LMBR1: variants seen among roughly 807,000 people sequenced by gnomAD.
LMBR1 encodes the protein limb development membrane protein 1.
Under a neutral mutation model 73.9 loss-of-function variants are expected in LMBR1, and 52 were observed. The observed-to-expected ratio is 0.70, with a 90% CI of 0.56 to 0.89. The LOEUF is 0.89. Ranked by LOEUF, LMBR1 falls within the 40% of genes least tolerant of loss-of-function variation. The pLI, the probability that LMBR1 is intolerant of heterozygous loss-of-function variation, is 0.00. For missense variants in LMBR1, 539 were observed against 579.8 expected, an observed-to-expected ratio of 0.93 and a Z score of 0.72; for synonymous variants, 215 against 209.4, an observed-to-expected ratio of 1.03 and a Z score of -0.23.
intron 15 of LMBR1, among the ~76,000 whole-genome samples, chr7:156,692,572 C>T (rs1272082320): frequency 6.6e-5 from 10 of 152,228 alleles, no homozygotes; most frequent in Admixed American, 4.6e-4. Context: ...CATCAGGAAA[C>T]GAAGGACAGT....
intron 1 of LMBR1, among the ~76,000 whole-genome samples, chr7:156,870,720 G>A (rs376890643): frequency 5.6e-4 from 85 of 151,102 alleles, no homozygotes; most frequent in Admixed American, 4.9e-3. Flanking sequence ...AGCCGAGATC[G>A]CGGCACAACC....
Position 156,744,343 on chromosome 7 carries a change from CT to C in LMBR1, c.758-10087del, listed in dbSNP as rs527479194. On this transcript the variant is annotated intron_variant, in intron 9 of 16. Transcript: ENST00000353442. Reference sequence around the variant, plus strand: ...TTTTCTATGTGAAAGTTTGTAAGGGCTTTTTTTTTTTTCCATTGTTCTTGGA... The same window carrying C: ...TTTTCTATGTGAAAGTTTGTAAGGGCTTTTTTTTTTTCCATTGTTCTTGGA... Among the ~76,000 whole-genome samples, 459 of 143,768 alleles carry C rather than the reference CT, an allele frequency of 3.2e-3. 3 individuals are homozygous for C. The highest frequency in any genetic ancestry group is 0.011 in the Middle Eastern group (3 of 284). 94.3% of individuals were successfully genotyped at this position (143,768 alleles called of 152,430 possible). A position where few individuals can be genotyped will look rare whatever the true frequency, so the allele number is the denominator to read the frequency against.
At chr7:156,798,094 G>A (rs1278261089) in intron 4 of LMBR1, among the ~76,000 whole-genome samples, 3 of 152,136 alleles carry the variant, frequency 2.0e-5, no homozygotes, top group African/African-American at 7.2e-5. Flanking sequence ...GCACACAATT[G>A]AGTTCTAGGC....
Position 156,694,164 on chromosome 7 carries a change from CA to C in LMBR1, c.1226-5974del, listed in dbSNP as rs539429116. On this transcript the variant is annotated intron_variant, in intron 15 of 16. Transcript: ENST00000353442. ...GGAATTTATCTCACCATAATAGAGACATTTTTTTTTTTAAGAGACAGAATCT... is the reference window on the plus strand; with the variant it reads ...GGAATTTATCTCACCATAATAGAGACTTTTTTTTTTTAAGAGACAGAATCT... 2.6e-5 allele frequency among the ~76,000 whole-genome samples: 4 copies of C among 151,996 alleles called. No individual in the cohort carries two copies. In the South Asian group the frequency reaches 6.2e-4, roughly 24 times the overall value.
At chr7:156,835,465 C>T (rs769366768) in intron 2 of LMBR1, among the ~76,000 whole-genome samples, 1 of 152,166 alleles carries the variant, frequency 6.6e-6, no homozygotes, top group Non-Finnish European at 1.5e-5. Flanking sequence ...GAAGTCAAGG[C>T]AGGCAGATTA....
intron 1 of LMBR1, among the ~76,000 whole-genome samples, chr7:156,876,883 T>A (rs573574354): frequency 1.1e-4 from 17 of 151,788 alleles, no homozygotes; most frequent in Admixed American, 1.1e-3. Context: ...AGAGCACAAA[T>A]AGACAATCTA....
rs982217853 is a variant in LMBR1, at chr7:156,826,472, T to G, written c.319+133A>C. Reference sequence around the variant, plus strand: ...TAAGTAAAATCTGGTTTTCTGACATTATTAAAGACCCAAATCGTTTACTGG... The same window carrying G: ...TAAGTAAAATCTGGTTTTCTGACATGATTAAAGACCCAAATCGTTTACTGG... On this transcript the variant is annotated intron_variant, in intron 4 of 16. Coordinates refer to ENST00000353442, the MANE Select transcript of LMBR1 (RefSeq NM_022458.4). 4 of 529,924 alleles carry G rather than the reference T, an allele frequency of 7.5e-6. No homozygotes were observed. In the Admixed American group the frequency reaches 1.5e-4, roughly 20 times the overall value. 32.8% of individuals were successfully genotyped at this position (529,924 alleles called of 1,614,324 possible). A position where few individuals can be genotyped will look rare whatever the true frequency, so the allele number is the denominator to read the frequency against.
intron 15 of LMBR1, among the ~76,000 whole-genome samples, chr7:156,703,144 G>T (rs999334037): frequency 6.6e-6 from 1 of 152,212 alleles, no homozygotes; most frequent in African/African-American, 2.4e-5. Flanking sequence ...CTGCTCCAGG[G>T]TGTGTCCTAT....
intron 3 of LMBR1, among the ~76,000 whole-genome samples, chr7:156,831,503 A>G (rs927539357): frequency 3.9e-5 from 6 of 152,214 alleles, no homozygotes; most frequent in Non-Finnish European, 8.8e-5. Flanking sequence ...CAGGGAAGAA[A>G]GATGAGGGAG....
intron 9 of LMBR1, 148 bp downstream of exon 9, chr7:156,756,245 C>T (rs1016551114): frequency 1.9e-6 from 1 of 540,530 alleles, no homozygotes; most frequent in Admixed American, 3.5e-5. Flanking sequence ...CTCTCTTCAC[C>T]AGGGAAGTTC....
At chr7:156,728,747 C>T (rs371191361) in intron 10 of LMBR1, 27 bp from the exon 11 acceptor site, 4 of 1,488,622 alleles carry the variant, frequency 2.7e-6, no homozygotes, top group Non-Finnish European at 3.7e-6. Flanking sequence ...CAAAATAAAA[C>T]AAAGTTTTCT....
intron 5 of LMBR1, 79 bp downstream of exon 5, chr7:156,796,310 G>T: frequency 2.3e-6 from 2 of 867,030 alleles, no homozygotes; most frequent in Non-Finnish European, 1.8e-6. Context: ...AATAATTTAA[G>T]TCTGCTTTTT....
At position 156,737,104 on chromosome 7, in the gene LMBR1, C is replaced by T. The variant is rs189663629; in HGVS notation, c.758-2847G>A. The stretch of plus-strand genomic sequence containing the variant: ...CTTTTCTTGATTTACTCCCTTGCTT[C>T]GATGGTGTGTATCCTCCAGTGGCTT... On this transcript the variant is annotated intron_variant, in intron 9 of 16. Coordinates refer to ENST00000353442, the MANE Select transcript of LMBR1 (RefSeq NM_022458.4). 5.3e-5 allele frequency among the ~76,000 whole-genome samples: 8 copies of T among 151,836 alleles called. No homozygotes were observed. The East Asian group carries it at 1.5e-3, about 29-fold the overall frequency.
At chr7:156,767,981 T>G (rs1169431579) in intron 5 of LMBR1, among the ~76,000 whole-genome samples, 1 of 152,168 alleles carries the variant, frequency 6.6e-6, no homozygotes, top group Non-Finnish European at 1.5e-5. Flanking sequence ...AGTAGGACAT[T>G]TCATATTGAA....
At chr7:156,795,716 T>C (rs1241705698) in intron 5 of LMBR1, among the ~76,000 whole-genome samples, 1 of 152,012 alleles carries the variant, frequency 6.6e-6, no homozygotes, top group East Asian at 1.9e-4. Context: ...CCACACCCAG[T>C]TAATTTTTTT....
At chr7:156,765,862 G>C (rs1444344643) in intron 5 of LMBR1, among the ~76,000 whole-genome samples, 1 of 152,128 alleles carries the variant, frequency 6.6e-6, no homozygotes. Context: ...GAGCTAAACA[G>C]TGTTAATAGT....
chr7:156,734,799 C>T (rs1349036536), intron 9 of LMBR1, among the ~76,000 whole-genome samples: 2 of 152,190 alleles, frequency 1.3e-5, no homozygotes, highest in African/African-American at 4.8e-5. Flanking sequence ...CTCTATCTCA[C>T]CTCCTTAAAA....
chr7:156,888,193 G>C (rs900152535), intron 1 of LMBR1, among the ~76,000 whole-genome samples: 1 of 150,594 alleles, frequency 6.6e-6, no homozygotes, highest in Admixed American at 6.6e-5. Context: ...GGCGAATCAC[G>C]AGGTCAGGAG....
chr7:156,853,102 C>T (rs1329823415), intron 1 of LMBR1, among the ~76,000 whole-genome samples: 6 of 151,924 alleles, frequency 3.9e-5, no homozygotes, highest in African/African-American at 1.2e-4. Context: ...CCACACCCGG[C>T]TAATTTTTTG....
Sources: allele counts gnomAD v4.1 joint callset (sites outside exome capture counted in the v4.1 genomes callset), GRCh38; gene constraint gnomAD v4.1.1; transcripts MANE v1.5; gene names NCBI Gene and HGNC (gene_info 2026-07-23, HGNC 2026-07-21).